SLC39A13: variants seen among roughly 807,000 people sequenced by gnomAD.
The protein encoded by SLC39A13 is zinc transporter ZIP13.
In SLC39A13, 18 loss-of-function variants were observed where a neutral mutation model predicts 38.7. The observed-to-expected ratio is 0.47, with a 90% CI of 0.32 to 0.69. The LOEUF is 0.69. Ranked by LOEUF, SLC39A13 falls within the 30% of genes least tolerant of loss-of-function variation. The pLI, the probability that SLC39A13 is intolerant of heterozygous loss-of-function variation, is 0.03. For synonymous variants in SLC39A13, 212 were observed against 219.1 expected, an observed-to-expected ratio of 0.97 and a Z score of 0.29; for missense variants, 395 against 490.7, an observed-to-expected ratio of 0.80 and a Z score of 1.84.
At position 47,414,858 on chromosome 11, in the gene SLC39A13, G is replaced by A. The variant is rs1333658698; in HGVS notation, c.868G>A (p.Gly290Ser). 6.2e-7 allele frequency: 1 copy of A among 1,612,518 alleles called. No individual in the cohort carries two copies. The highest frequency in any genetic ancestry group is 8.5e-7 in the Non-Finnish European group (1 of 1,179,960). The change falls in exon 8 of 10, where the codon GGC (glycine) becomes AGC (serine). Residue 290 changes from glycine to serine, a missense_variant. Physicochemically the swap from Gly to Ser is moderately conservative, Grantham distance 56. Coordinates refer to ENST00000362021, the MANE Select transcript of SLC39A13 (RefSeq NM_001128225.3). ...GCTGCAACTCTCAACAGCGCTGGGG[G>A]GCCTACTGGGCGCTGGCTTCGCCAT... The part of the protein sequence containing the change: ...AKLQLSTALG[G>S]LLGAGFAICT...
chr11:47,413,810 C>G, intron 6 of SLC39A13, 124 bp downstream of exon 6: 3 of 1,022,454 alleles, frequency 2.9e-6, no homozygotes, highest in Non-Finnish European at 4.5e-6. Flanking sequence ...GGCTCTCATC[C>G]CCCATCCTCC....
chr11:47,413,734 A>T, intron 6 of SLC39A13, 48 bp downstream of exon 6: 1 of 1,588,610 alleles, frequency 6.3e-7, no homozygotes, highest in South Asian at 1.1e-5. Context: ...AGTGGCAGCC[A>T]TGTGGATTCC....
intron 6 of SLC39A13, 54 bp from the exon 7 acceptor site, chr11:47,414,371 T>TG: frequency 6.4e-7 from 1 of 1,566,778 alleles, no homozygotes; most frequent in South Asian, 1.2e-5. Flanking sequence ...AGTGGGCGAG[T>TG]GGGGTGCTCA....
chr11:47,415,459 T>C lies in SLC39A13; in HGVS notation c.*96T>C. Reference sequence around the variant, plus strand: ...GTGAGAGGCAGAGAGGGCGAGTGGCTGCGAGAGAGAATGAGCCTCCCGCCA... The same window carrying C: ...GTGAGAGGCAGAGAGGGCGAGTGGCCGCGAGAGAGAATGAGCCTCCCGCCA... On this transcript the variant is annotated 3_prime_UTR_variant, in exon 10 of 10. Coordinates refer to ENST00000362021, the MANE Select transcript of SLC39A13 (RefSeq NM_001128225.3). The C allele has an allele frequency of 2.1e-6, 3 of 1,412,858 alleles. No individual in the cohort carries two copies. Among genetic ancestry groups the C allele is most frequent in the Non-Finnish European group, 2.0e-6 (2 of 1,006,990 alleles). 87.5% of individuals were successfully genotyped at this position (1,412,858 alleles called of 1,614,324 possible).
Position 47,411,916 on chromosome 11 carries a change from T to A in SLC39A13, c.302-10T>A, listed in dbSNP as rs1300418628. On this transcript the variant is annotated splice_polypyrimidine_tract_variant and intron_variant, in intron 2 of 9. Coordinates refer to ENST00000362021, the MANE Select transcript of SLC39A13 (RefSeq NM_001128225.3). ...AGTCAGCCCCCAGACCCCGCATCTC[T>A]CCCTTGTAGCTGGGGCCTGGCGCCT... The A allele has an allele frequency of 5.6e-6, 9 of 1,611,460 alleles. No individual in the cohort carries two copies. Among genetic ancestry groups the A allele is most frequent in the Non-Finnish European group, 7.6e-6 (9 of 1,178,904 alleles).
intron 2 of SLC39A13, 143 bp downstream of exon 2, chr11:47,410,538 C>G: frequency 8.5e-7 from 1 of 1,182,314 alleles, no homozygotes; most frequent in South Asian, 1.3e-5. Context: ...CCTGTAGGAG[C>G]TATCTAGCCA....
At chr11:47,411,787 G>A in intron 2 of SLC39A13, 139 bp from the exon 3 acceptor site, 2 of 777,144 alleles carry the variant, frequency 2.6e-6, no homozygotes, top group Non-Finnish European at 4.4e-6. Context: ...TTTCTGCTGT[G>A]AGGTGGGGGA....
chr11:47,413,772 C>T, intron 6 of SLC39A13, 86 bp downstream of exon 6: 1 of 1,433,680 alleles, frequency 7.0e-7, no homozygotes, highest in Non-Finnish European at 9.6e-7. Context: ...CTGCTTCTTG[C>T]CCCTCCATTG....
upstream of SLC39A13, among the ~76,000 whole-genome samples, chr11:47,407,899 G>A (rs966218042): frequency 6.6e-6 from 1 of 152,240 alleles, no homozygotes; most frequent in East Asian, 1.9e-4. Context: ...CTCCAGGTGA[G>A]GGAAGCACAG....
chr11:47,414,319 C>T (rs759533986), intron 6 of SLC39A13, 106 bp from the exon 7 acceptor site: 9 of 1,342,818 alleles, frequency 6.7e-6, no homozygotes, highest in Non-Finnish European at 8.3e-6. Context: ...ACACAGTGCC[C>T]ACCCAGAGCC....
Position 47,415,731 on chromosome 11 carries a change from C to G in SLC39A13, c.*368C>G, listed in dbSNP as rs942793974. 3 of 250,992 alleles carry G rather than the reference C, an allele frequency of 1.2e-5. No homozygotes were observed. In the Admixed American group the frequency reaches 2.5e-4, roughly 21 times the overall value. 15.5% of individuals were successfully genotyped at this position (250,992 alleles called of 1,614,324 possible). Reference sequence around the variant, plus strand: ...TGGGACCCCGGGAGTGAGAGCAGCCCAAGGATCCAGGGTGCAGGGAACTCC... The same window carrying G: ...TGGGACCCCGGGAGTGAGAGCAGCCGAAGGATCCAGGGTGCAGGGAACTCC... On this transcript the variant is annotated 3_prime_UTR_variant, in exon 10 of 10. Coordinates refer to ENST00000362021, the MANE Select transcript of SLC39A13 (RefSeq NM_001128225.3).
In SLC39A13 at chr11:47,416,464, A is replaced by ATAGAT. The variant is rs1470568066; in HGVS notation, c.*1102_*1106dup. On this transcript the variant is annotated 3_prime_UTR_variant, in exon 10 of 10. Transcript: ENST00000362021. The stretch of plus-strand genomic sequence containing the variant: ...GTTTGTATCTGTAAATATTTGTTCT[A>ATAGAT]TAGATAAGATACAAATAAATATTAT... 1 of 152,204 alleles carries ATAGAT rather than the reference A, an allele frequency of 6.6e-6. No homozygotes were observed. The highest frequency in any genetic ancestry group is 1.5e-5 in the Non-Finnish European group (1 of 68,030). The allele number at this position is 152,204 out of a possible 1,614,324, so 9.4% of individuals were successfully genotyped here. A position where few individuals can be genotyped will look rare whatever the true frequency, so the allele number is the denominator to read the frequency against.
intron 6 of SLC39A13, 196 bp from the exon 7 acceptor site, chr11:47,414,229 T>C: frequency 1.5e-6 from 1 of 652,430 alleles, no homozygotes; most frequent in Non-Finnish European, 2.7e-6. Context: ...GAGTGAGTCC[T>C]GTCTCTCCCC....
intron 7 of SLC39A13, 136 bp from the exon 8 acceptor site, chr11:47,414,641 T>C (rs2096016634): frequency 1.3e-6 from 2 of 1,520,224 alleles, no homozygotes; most frequent in Non-Finnish European, 1.8e-6. Flanking sequence ...GCAGCTGCCA[T>C]CTCTGCCATA....
intron 6 of SLC39A13, chr11:47,414,038 C>T (rs761417012): frequency 1.7e-4 from 106 of 625,394 alleles, no homozygotes; most frequent in Non-Finnish European, 2.8e-4. Context: ...TCACACTGTT[C>T]CCCCTGCCTG....
intron 2 of SLC39A13, 64 bp downstream of exon 2, chr11:47,410,459 T>TA: frequency 6.3e-7 from 1 of 1,581,448 alleles, no homozygotes; most frequent in Non-Finnish European, 8.7e-7. Flanking sequence ...GCTGCTCTTC[T>TA]TAGGAGACCC....
rs2096022186 is a variant in SLC39A13, at chr11:47,415,384, C to T, written c.*21C>T. 5 of 1,612,680 alleles carry T rather than the reference C, an allele frequency of 3.1e-6. No individual in the cohort carries two copies. In the Middle Eastern group the frequency reaches 6.6e-4, roughly 212 times the overall value. On this transcript the variant is annotated 3_prime_UTR_variant, in exon 10 of 10. Coordinates refer to ENST00000362021, the MANE Select transcript of SLC39A13 (RefSeq NM_001128225.3). ...ATTAACTTTCCCTGATGCCGACGCCCCTGCCCCCTGCAGCAATAAGATGCT... is the reference window on the plus strand; with the variant it reads ...ATTAACTTTCCCTGATGCCGACGCCTCTGCCCCCTGCAGCAATAAGATGCT...
At chr11:47,409,925 C>G (rs1277757219) in intron 1 of SLC39A13, 162 bp from the exon 2 acceptor site, 1 of 754,996 alleles carries the variant, frequency 1.3e-6, no homozygotes. Flanking sequence ...ACACAGGGCC[C>G]CATTGCTGTG....
Position 47,410,159 on chromosome 11 carries a change from T to G in SLC39A13, c.65T>G (p.Leu22Arg), listed in dbSNP as rs1048664382. Residue 22 changes from leucine (L) to arginine (R), a missense_variant, in exon 2 of 10, where the codon CTT becomes CGT. Transcript: ENST00000362021. ...AGPRLLFLTA[L>R]ALELLERAGG... ...CCAAGGCTCCTCTTCCTCACTGCCC[T>G]TGCCCTGGAGCTCTTGGAAAGGGCT... The G allele has an allele frequency of 6.2e-7, 1 of 1,613,434 alleles. No homozygotes were observed. The highest frequency in any genetic ancestry group is 8.5e-7 in the Non-Finnish European group (1 of 1,179,996).
Sources: allele counts gnomAD v4.1 joint callset (sites outside exome capture counted in the v4.1 genomes callset), GRCh38; gene constraint gnomAD v4.1.1; transcripts MANE v1.5; gene names NCBI Gene and HGNC (gene_info 2026-07-23, HGNC 2026-07-21).